UBE2V2: variants seen among roughly 807,000 people sequenced by gnomAD.
The protein encoded by UBE2V2 is ubiquitin-conjugating enzyme E2 variant 2.
Under a neutral mutation model 17.2 loss-of-function variants are expected in UBE2V2, and 9 were observed. That is an observed-to-expected ratio of 0.52 (90% confidence interval 0.32 to 0.91). The LOEUF is 0.91. UBE2V2 is among the 40% of genes least tolerant of loss of function. UBE2V2 has a pLI of 0.04. For synonymous variants in UBE2V2, 61 were observed against 57.5 expected, an observed-to-expected ratio of 1.06 and a Z score of -0.28; for missense variants, 133 against 182.6, an observed-to-expected ratio of 0.73 and a Z score of 1.56.
chr8:48,056,210 A>G (rs1452697032), intron 3 of UBE2V2, among the ~76,000 whole-genome samples: 2 of 152,184 alleles, frequency 1.3e-5, no homozygotes, highest in African/African-American at 2.4e-5. Context: ...TTGTTGGACA[A>G]TATTCCATTG....
At chr8:48,003,989 C>T (rs375731254), upstream of UBE2V2, among the ~76,000 whole-genome samples, 10 of 152,154 alleles carry the variant, frequency 6.6e-5, no homozygotes, top group African/African-American at 2.2e-4. Flanking sequence ...AAAATCAGGC[C>T]GTGGTGTTTG....
chr8:48,003,157 C>A, the UBE2V2 span, among the ~76,000 whole-genome samples: 1 of 151,030 alleles, frequency 6.6e-6, no homozygotes, highest in Non-Finnish European at 1.5e-5. Context: ...TTGCAGTGAG[C>A]CAAGATTGCG....
intron 1 of UBE2V2, among the ~76,000 whole-genome samples, chr8:48,038,619 C>T (rs920595108): frequency 2.6e-5 from 4 of 152,034 alleles, no homozygotes; most frequent in African/African-American, 7.2e-5. Flanking sequence ...GCTGGGACTA[C>T]AGGCGCACGC....
chr8:48,060,717 G>C lies in UBE2V2; in HGVS notation c.327G>C (p.Trp109Cys), dbSNP rs746531256. 1 of 1,524,968 alleles carries C rather than the reference G, an allele frequency of 6.6e-7. No homozygotes were observed. The highest frequency in any genetic ancestry group is 8.8e-7 in the Non-Finnish European group (1 of 1,137,790). 94.5% of individuals were successfully genotyped at this position (1,524,968 alleles called of 1,614,324 possible). Reference protein sequence around the residue: ...DARSIPVLAKWQNSYSIKVVL... With the variant: ...DARSIPVLAKCQNSYSIKVVL... ...GGAGCATACCAGTGTTAGCAAAATG[G>C]CAAAATTCATATAGCATTAAAGTTG... Residue 109 changes from tryptophan to cysteine, a missense_variant, in exon 4 of 4, where the codon TGG becomes TGC. By Grantham distance (215) the Trp-to-Cys change is radical. Transcript: ENST00000523111.
intron 3 of UBE2V2, among the ~76,000 whole-genome samples, chr8:48,058,850 C>G (rs1309207676): frequency 6.6e-6 from 1 of 151,694 alleles, no homozygotes; most frequent in African/African-American, 2.4e-5. Flanking sequence ...TGATATATTA[C>G]TCTGATTTTT....
rs553487619 is a variant in UBE2V2, at chr8:48,010,728, C to T, written c.16+2258C>T. ...TTTTTTTTTTTGAGACTGAGTCTCT[C>T]GCTTCTTTGCCCAGGCTGGAGTGCA... is the stretch of plus-strand genomic sequence containing the variant. On this transcript the variant is annotated intron_variant, in intron 1 of 3. Transcript: ENST00000523111. Among the ~76,000 whole-genome samples, 74 of 116,980 alleles carry T rather than the reference C, an allele frequency of 6.3e-4. 1 individual carries two copies. In the South Asian group the frequency reaches 0.015, roughly 24 times the overall value. The allele number at this position is 116,980 out of a possible 152,430, so 76.7% of individuals were successfully genotyped here.
intron 3 of UBE2V2, among the ~76,000 whole-genome samples, chr8:48,057,523 G>A (rs2091581039): frequency 2.0e-5 from 3 of 151,886 alleles, no homozygotes; most frequent in Admixed American, 1.3e-4. Context: ...GGCTGGTCTC[G>A]AACTTCCGAA....
chr8:48,054,602 A>G (rs2091560361), intron 3 of UBE2V2, among the ~76,000 whole-genome samples: 1 of 152,202 alleles, frequency 6.6e-6, no homozygotes, highest in Non-Finnish European at 1.5e-5. Context: ...AGAATTTCAC[A>G]TTGGTGATTG....
rs1563863403 is a variant in UBE2V2 at position 48,064,455 on chromosome 8, T to TA, written c.*3628dup. On this transcript the variant is annotated 3_prime_UTR_variant, in exon 4 of 4. Transcript: ENST00000523111. The stretch of plus-strand genomic sequence containing the variant: ...ACATTAGCAGTTAATTTTTACCTGA[T>TA]ACTGAGTTTACTGTAAAATAGGAAA... 2 of 152,196 alleles carry TA rather than the reference T, an allele frequency of 1.3e-5. No homozygotes were observed. The highest frequency in any genetic ancestry group is 2.4e-5 in the African/African-American group (1 of 41,452). 9.4% of individuals were successfully genotyped at this position (152,196 alleles called of 1,614,324 possible). A position where few individuals can be genotyped will look rare whatever the true frequency, so the allele number is the denominator to read the frequency against.
At chr8:48,052,541 C>T (rs1424793222) in intron 3 of UBE2V2, among the ~76,000 whole-genome samples, 1 of 152,160 alleles carries the variant, frequency 6.6e-6, no homozygotes, top group African/African-American at 2.4e-5. Flanking sequence ...CCAAATGTGA[C>T]TGGATTTAGG....
chr8:48,005,098 C>T (rs1359002813), upstream of UBE2V2, among the ~76,000 whole-genome samples: 7 of 150,638 alleles, frequency 4.6e-5, no homozygotes, highest in African/African-American at 1.7e-4. Flanking sequence ...TATACACGTG[C>T]CATGGTGGTT....
chr8:48,000,388 A>C, the UBE2V2 span, among the ~76,000 whole-genome samples: 1 of 152,202 alleles, frequency 6.6e-6, no homozygotes, highest in Non-Finnish European at 1.5e-5. Flanking sequence ...TCTCTTGCCG[A>C]AGCGCCCTGT....
In UBE2V2 at chr8:48,037,925, C is replaced by T. The variant is rs369907374; in HGVS notation, c.17-5108C>T. The stretch of plus-strand genomic sequence containing the variant: ...AGCAAAGTGAAGTTTATGCTTAAAA[C>T]CCCTCCCTGAATCCTCATTGCTGCA... On this transcript the variant is annotated intron_variant, in intron 1 of 3. Transcript: ENST00000523111. Among the ~76,000 whole-genome samples the T allele has an allele frequency of 5.3e-5, 8 of 152,272 alleles. No homozygotes were observed. The South Asian group carries it at 1.0e-3, about 20-fold the overall frequency.
intron 1 of UBE2V2, among the ~76,000 whole-genome samples, chr8:48,021,670 G>A (rs532035325): frequency 1.8e-4 from 27 of 151,312 alleles, no homozygotes; most frequent in Non-Finnish European, 3.1e-4. Context: ...GGGATTACAG[G>A]TATGAGCCAA....
chr8:48,008,612 C>T (rs2091203329), intron 1 of UBE2V2, 142 bp downstream of exon 1: 4 of 1,286,298 alleles, frequency 3.1e-6, no homozygotes, highest in Non-Finnish European at 4.0e-6. Context: ...AGAGCGTAGC[C>T]TGGGACCGGG....
chr8:48,026,776 C>G (rs1408586390), intron 1 of UBE2V2, among the ~76,000 whole-genome samples: 1 of 152,254 alleles, frequency 6.6e-6, no homozygotes, highest in East Asian at 1.9e-4. Context: ...GAAGAATATT[C>G]CAGTGCATTG....
intron 1 of UBE2V2, among the ~76,000 whole-genome samples, chr8:48,024,584 A>G (rs1429034907): frequency 6.6e-6 from 1 of 151,974 alleles, no homozygotes; most frequent in African/African-American, 2.4e-5. Context: ...AACAAGAGCT[A>G]AACTCCGTCT....
intron 1 of UBE2V2, among the ~76,000 whole-genome samples, chr8:48,026,419 G>A (rs113061575): frequency 0.026 from 3,938 of 152,276 alleles, 154 homozygotes; most frequent in African/African-American, 0.081. Context: ...GTTGTTTCAA[G>A]ACAACTTTAC....
Position 48,043,083 on chromosome 8 carries a change from CA to C in UBE2V2, c.72del (p.Gly25GlufsTer2). On this transcript the variant is annotated frameshift_variant, in exon 2 of 4. Transcript: ENST00000523111. LOFTEE classifies it high-confidence loss of function. Reference sequence around the variant, plus strand: ...CTTGTTGGAAGAACTTGAAGAAGGACAAAAAGGAGTAGGCGACGGTACAGTT... The same window carrying C: ...CTTGTTGGAAGAACTTGAAGAAGGACAAAAGGAGTAGGCGACGGTACAGTT... The part of the protein sequence containing the change: ...FRLLEELEEG[Q>X]KGVGDGTVSW... 2 of 1,593,058 alleles carry C rather than the reference CA, an allele frequency of 1.3e-6. No homozygotes were observed. Among genetic ancestry groups the C allele is most frequent in the South Asian group, 2.3e-5 (2 of 87,124 alleles).
Sources: gnomAD v4.1 joint callset for allele counts (sites outside exome capture counted in the v4.1 genomes callset) on GRCh38, gnomAD v4.1.1 for gene constraint, MANE v1.5 for transcripts, NCBI Gene and HGNC (gene_info 2026-07-23, HGNC 2026-07-21) for gene names.